Variants in LRBA observed in about 807,000 individuals in gnomAD.
LRBA encodes lipopolysaccharide-responsive and beige-like anchor protein.
In LRBA, 176 loss-of-function variants were observed where a neutral mutation model predicts 330.0. That is an observed-to-expected ratio of 0.53 (90% CI 0.47 to 0.60). The LOEUF (loss-of-function observed/expected upper bound fraction) is 0.60, where lower values mean the gene tolerates loss of function less well. Ranked by LOEUF, LRBA falls within the 20% of genes least tolerant of loss-of-function variation. The pLI is 0.00. For missense variants in LRBA, 3,259 were observed against 3,444.8 expected (o/e 0.95, Z 1.35); for synonymous variants, 1,230 against 1,193.0 (o/e 1.03, Z -0.64).
chr4:150,870,576 T>A lies in LRBA; in HGVS notation c.2398A>T (p.Ile800Leu), dbSNP rs755716022. 2.5e-6 allele frequency: 4 copies of A among 1,585,714 alleles called. No homozygotes were observed. The highest frequency in any genetic ancestry group is 2.2e-5 in the South Asian group (2 of 90,540). Residue 800 changes from isoleucine (I) to leucine (L), a missense_variant, in exon 20 of 57, where the codon ATA (isoleucine) becomes TTA (leucine). Coordinates refer to ENST00000651943, the MANE Select transcript of LRBA (RefSeq NM_001364905.1). The stretch of plus-strand genomic sequence containing the variant: ...TCAGGATCTGGATGCTGTTTATGTA[T>A]CACCTGAGTACCAATCTGTTCTATA... ...ILIEQIGTQV[I>L]HKQHPDPDSS...
At chr4:150,896,208 C>T (rs1224355793) in intron 16 of LRBA, among the ~76,000 whole-genome samples, 186 bp downstream of exon 16, 1 of 152,006 alleles carries the variant, frequency 6.6e-6, no homozygotes, top group Non-Finnish European at 1.5e-5. Context: ...TGATGATTCT[C>T]AAGATTCATC....
At chr4:150,849,113 AAC>A (rs1296213197) in intron 25 of LRBA, 115 bp from the exon 26 acceptor site, 3 of 683,778 alleles carry the variant, frequency 4.4e-6, no homozygotes, top group African/African-American at 1.8e-5. Flanking sequence ...GAAACCTAGT[AAC>A]ACAGAGTGAT....
intron 44 of LRBA, among the ~76,000 whole-genome samples, chr4:150,438,141 A>G (rs1425385313): frequency 6.6e-6 from 1 of 152,232 alleles, no homozygotes; most frequent in Non-Finnish European, 1.5e-5. Context: ...CAAAATGTTA[A>G]GTACCCACTC....
rs1773815333 is a variant in LRBA at position 150,598,998 on chromosome 4, T to C, written c.6046+9A>G. On this transcript the variant is annotated intron_variant, in intron 38 of 56. Transcript: ENST00000651943. ...GCTGCTATTGGCAAGGAATGGTTTA[T>C]ACACTGACCATGTTCCACGGCTGTT... is the stretch of plus-strand genomic sequence containing the variant. 1.2e-6 allele frequency: 2 copies of C among 1,613,888 alleles called. No homozygotes were observed. The highest frequency in any genetic ancestry group is 1.7e-6 in the Non-Finnish European group (2 of 1,179,902).
intron 40 of LRBA, among the ~76,000 whole-genome samples, chr4:150,577,889 C>T (rs1394849825): frequency 2.6e-5 from 4 of 152,172 alleles, no homozygotes; most frequent in African/African-American, 9.7e-5. Flanking sequence ...TGTCAGATTA[C>T]AGAAGCACTG....
chr4:150,284,198 C>T (rs1747882669), intron 54 of LRBA, among the ~76,000 whole-genome samples: 1 of 152,028 alleles, frequency 6.6e-6, no homozygotes, highest in South Asian at 2.1e-4. Flanking sequence ...GAAGGTGTAA[C>T]AAAAATGTCC....
chr4:150,802,231 A>G (rs1341014703), intron 33 of LRBA, among the ~76,000 whole-genome samples: 1 of 149,898 alleles, frequency 6.7e-6, no homozygotes, highest in Non-Finnish European at 1.5e-5. Flanking sequence ...AAAAAAAAAA[A>G]AAAAAACCAC....
In LRBA at chr4:150,916,669, T is replaced by C; in HGVS notation, c.715A>G (p.Met239Val). Reference protein sequence around the residue: ...NGFTFHTWLRMDPVNNINVDK... With the variant: ...NGFTFHTWLRVDPVNNINVDK... ...ACATTGATGTTATTTACAGGATCCA[T>C]TCTAAGCCATGTATGAAATGTAAAA... Residue 239 changes from methionine to valine, a missense_variant, in exon 6 of 57, where the codon ATG (methionine) becomes GTG (valine). By Grantham distance (21) the Met-to-Val change is conservative. Coordinates refer to ENST00000651943, the MANE Select transcript of LRBA (RefSeq NM_001364905.1). The C allele has an allele frequency of 3.7e-6, 6 of 1,600,734 alleles. No individual in the cohort carries two copies. The highest frequency in any genetic ancestry group is 5.1e-6 in the Non-Finnish European group (6 of 1,174,594).
intron 38 of LRBA, among the ~76,000 whole-genome samples, chr4:150,592,408 G>A (rs930484025): frequency 2.0e-5 from 3 of 151,378 alleles, no homozygotes; most frequent in Non-Finnish European, 2.9e-5. Flanking sequence ...AATTCACCAT[G>A]TATACCATTT....
intron 2 of LRBA, among the ~76,000 whole-genome samples, chr4:150,979,297 T>G (rs1015007066): frequency 2.0e-5 from 3 of 152,138 alleles, no homozygotes; most frequent in Admixed American, 2.0e-4. Flanking sequence ...AGTGAAAATA[T>G]CCTTCAAACA....
At chr4:150,950,475 T>C (rs1006187078) in intron 2 of LRBA, among the ~76,000 whole-genome samples, 13 of 152,212 alleles carry the variant, frequency 8.5e-5, no homozygotes, top group Non-Finnish European at 1.8e-4. Context: ...ATTTTTAAAT[T>C]TGATAGTTCA....
intron 4 of LRBA, among the ~76,000 whole-genome samples, chr4:150,922,886 G>C (rs1030623743): frequency 2.0e-5 from 3 of 152,148 alleles, no homozygotes; most frequent in Non-Finnish European, 4.4e-5. Context: ...GCAGTTTACA[G>C]AAGAAGAATC....
At chr4:150,887,716 C>G (rs1251555887) in intron 17 of LRBA, among the ~76,000 whole-genome samples, 4 of 145,756 alleles carry the variant, frequency 2.7e-5, no homozygotes, top group Non-Finnish European at 4.5e-5. Flanking sequence ...TTACAGTGAG[C>G]CAAGATCGGG....
chr4:150,363,559 A>C (rs1739020717), intron 47 of LRBA, among the ~76,000 whole-genome samples: 1 of 152,224 alleles, frequency 6.6e-6, no homozygotes, highest in African/African-American at 2.4e-5. Context: ...TAAATTCCAA[A>C]AGGGCAGGTA....
intron 30 of LRBA, among the ~76,000 whole-genome samples, chr4:150,824,283 G>A (rs1745909694): frequency 6.6e-6 from 1 of 152,040 alleles, no homozygotes; most frequent in African/African-American, 2.4e-5. Context: ...TCATGCAACT[G>A]TACTGAATTT....
intron 46 of LRBA, among the ~76,000 whole-genome samples, chr4:150,425,073 T>C (rs1280511851): frequency 6.6e-6 from 1 of 152,234 alleles, no homozygotes; most frequent in Non-Finnish European, 1.5e-5. Flanking sequence ...TCCATTTTAA[T>C]ACTAAAAGCA....
At chr4:150,520,857 C>A (rs1331767104) in intron 40 of LRBA, among the ~76,000 whole-genome samples, 1 of 152,006 alleles carries the variant, frequency 6.6e-6, no homozygotes, top group Non-Finnish European at 1.5e-5. Flanking sequence ...TAATAGTATA[C>A]CTATTGTATA....
intron 40 of LRBA, among the ~76,000 whole-genome samples, chr4:150,500,642 G>C (rs918977493): frequency 6.6e-6 from 1 of 152,176 alleles, no homozygotes; most frequent in African/African-American, 2.4e-5. Context: ...CTTCAAGTTA[G>C]AGTAATATCA....
chr4:150,537,028 T>C lies in LRBA; in HGVS notation c.6331-45993A>G, dbSNP rs140909476. Among the ~76,000 whole-genome samples, 47 of 152,228 alleles carry C rather than the reference T, an allele frequency of 3.1e-4. No homozygotes were observed. In the East Asian group the frequency reaches 8.5e-3, roughly 28 times the overall value. On this transcript the variant is annotated intron_variant, in intron 40 of 56. Coordinates refer to ENST00000651943, the MANE Select transcript of LRBA (RefSeq NM_001364905.1). ...AAAAGAGGCTGAATAGCCAAAACAA[T>C]CCTAAGCAAAAAGAACAAAGCTGGA... is the stretch of plus-strand genomic sequence containing the variant.
Sources: allele counts gnomAD v4.1 joint callset (sites outside exome capture counted in the v4.1 genomes callset), GRCh38; gene constraint gnomAD v4.1.1; transcripts MANE v1.5; gene names NCBI Gene and HGNC (gene_info 2026-07-23, HGNC 2026-07-21).